ARHGAP26: variants seen among roughly 807,000 people sequenced by gnomAD.
ARHGAP26 encodes Rho GTPase activating protein 26.
Under a neutral mutation model 104.8 loss-of-function variants are expected in ARHGAP26, and 38 were observed. The ratio of observed to expected loss-of-function variants is 0.36; its 90% CI spans 0.28 to 0.48. ARHGAP26 has a LOEUF of 0.48. Ranked by LOEUF, ARHGAP26 falls within the 20% of genes least tolerant of loss-of-function variation. The pLI, the probability that ARHGAP26 is intolerant of heterozygous loss-of-function variation, is 0.99. For missense variants in ARHGAP26, 704 were observed against 947.9 expected, an observed-to-expected ratio of 0.74 and a Z score of 3.38; for synonymous variants, 341 against 340.0, an observed-to-expected ratio of 1.00 and a Z score of -0.03.
intron 10 of ARHGAP26, among the ~76,000 whole-genome samples, chr5:142,930,860 G>C (rs1764616989): frequency 6.6e-6 from 1 of 152,164 alleles, no homozygotes; most frequent in Non-Finnish European, 1.5e-5. Context: ...ATATTCATTG[G>C]AACTATAGCT....
rs531532335 is a variant in ARHGAP26 at position 143,146,996 on chromosome 5, G to A, written c.1838-235G>A. The stretch of plus-strand genomic sequence containing the variant: ...AAATCCTGGCTTATATTAAAGGGGA[G>A]ATATATCCTGTTATGACGAGGAAAG... On this transcript the variant is annotated intron_variant, in intron 19 of 22. Transcript: ENST00000645722. Among the ~76,000 whole-genome samples the A allele has an allele frequency of 8.5e-5, 13 of 152,252 alleles. No homozygotes were observed. The East Asian group carries it at 2.1e-3, about 25-fold the overall frequency.
intron 1 of ARHGAP26, among the ~76,000 whole-genome samples, chr5:142,785,531 C>T (rs892541842): frequency 4.7e-5 from 7 of 149,940 alleles, no homozygotes. Flanking sequence ...GGAACGAGAG[C>T]GTGTTATTTC....
intron 1 of ARHGAP26, among the ~76,000 whole-genome samples, chr5:142,780,011 C>T (rs1757177067): frequency 6.6e-6 from 1 of 152,232 alleles, no homozygotes; most frequent in African/African-American, 2.4e-5. Flanking sequence ...CCAATGCTTC[C>T]TGTCTCCTGA....
intron 17 of ARHGAP26, among the ~76,000 whole-genome samples, chr5:143,116,966 C>T (rs899376900): frequency 6.6e-6 from 1 of 152,176 alleles, no homozygotes; most frequent in African/African-American, 2.4e-5. Context: ...GGATCTCTCC[C>T]AAGTGAATAT....
chr5:142,808,381 G>A (rs529418992), intron 1 of ARHGAP26, among the ~76,000 whole-genome samples: 1 of 150,650 alleles, frequency 6.6e-6, no homozygotes, highest in East Asian at 1.9e-4. Flanking sequence ...CATCTAATTG[G>A]TGTCAAATTT....
At chr5:143,169,283 A>G (rs949782521) in intron 20 of ARHGAP26, among the ~76,000 whole-genome samples, 2 of 152,258 alleles carry the variant, frequency 1.3e-5, no homozygotes, top group African/African-American at 2.4e-5. Context: ...CAAGTAACAG[A>G]AAACCTAGCC....
intron 8 of ARHGAP26, among the ~76,000 whole-genome samples, chr5:142,907,089 T>C (rs192383394): frequency 6.6e-6 from 1 of 152,318 alleles, no homozygotes; most frequent in Non-Finnish European, 1.5e-5. Context: ...TTGAGGGACA[T>C]AGTCCTTAGA....
At chr5:142,954,736 A>G (rs938733431) in intron 11 of ARHGAP26, among the ~76,000 whole-genome samples, 1 of 152,170 alleles carries the variant, frequency 6.6e-6, no homozygotes, top group African/African-American at 2.4e-5. Context: ...GTCAACTCAG[A>G]TGTGTTTCAG....
chr5:142,858,119 G>T lies in ARHGAP26; in HGVS notation c.155-15281G>T, dbSNP rs552395838. On this transcript the variant is annotated intron_variant, in intron 1 of 22. Transcript: ENST00000645722. ...TGAGAGAGAGAGAGAGAGGGAGTGT[G>T]TGTGTGTGTGTGTTGCAGGCATGCT... Among the ~76,000 whole-genome samples, 5 of 151,738 alleles carry T rather than the reference G, an allele frequency of 3.3e-5. No individual in the cohort carries two copies. The South Asian group carries it at 1.0e-3, about 32-fold the overall frequency.
chr5:143,143,874 G>A (rs1392328663), intron 19 of ARHGAP26, among the ~76,000 whole-genome samples: 1 of 152,190 alleles, frequency 6.6e-6, no homozygotes, highest in African/African-American at 2.4e-5. Flanking sequence ...ACATATGTTT[G>A]TGAAAGCACT....
Position 142,917,116 on chromosome 5 carries a change from T to A in ARHGAP26, c.1028+3823T>A, listed in dbSNP as rs568789563. On this transcript the variant is annotated intron_variant, in intron 10 of 22. Transcript: ENST00000645722. Reference sequence around the variant, plus strand: ...GTGCAGTGGCACGATCTCAGCTCACTGCAGCCTCTGCCTCCTGGGTTCAAG... The same window carrying A: ...GTGCAGTGGCACGATCTCAGCTCACAGCAGCCTCTGCCTCCTGGGTTCAAG... 6.6e-5 allele frequency among the ~76,000 whole-genome samples: 10 copies of A among 151,776 alleles called. No homozygotes were observed. In the East Asian group the frequency reaches 1.9e-3, roughly 29 times the overall value.
intron 17 of ARHGAP26, among the ~76,000 whole-genome samples, chr5:143,086,786 G>T (rs1467860836): frequency 6.6e-6 from 1 of 152,144 alleles, no homozygotes; most frequent in Non-Finnish European, 1.5e-5. Context: ...TCTCGCTCAG[G>T]GGTCTTATTA....
At chr5:143,037,290 C>A in intron 13 of ARHGAP26, 29 bp downstream of exon 13, 1 of 1,557,438 alleles carries the variant, frequency 6.4e-7, no homozygotes, top group South Asian at 1.2e-5. Context: ...TGGCATTGTT[C>A]TCATAGAAGG....
At chr5:142,793,401 A>G (rs936644697) in intron 1 of ARHGAP26, among the ~76,000 whole-genome samples, 7 of 151,244 alleles carry the variant, frequency 4.6e-5, no homozygotes, top group African/African-American at 1.7e-4. Flanking sequence ...TAATCTGATC[A>G]CTTGGTGTTA....
At chr5:142,825,556 G>A (rs1018879035) in intron 1 of ARHGAP26, among the ~76,000 whole-genome samples, 1 of 152,184 alleles carries the variant, frequency 6.6e-6, no homozygotes, top group African/African-American at 2.4e-5. Context: ...GAGCAGCACA[G>A]GCTCCTTGAT....
At chr5:143,105,939 A>AT (rs558561120) in intron 17 of ARHGAP26, among the ~76,000 whole-genome samples, 8,804 of 147,728 alleles carry the variant, frequency 0.06, 839 homozygotes, top group African/African-American at 0.2. Flanking sequence ...AGTATGAGTG[A>AT]TTTTTTTTTT....
At chr5:142,875,001 A>ATCT in intron 2 of ARHGAP26, 109 bp from the exon 3 acceptor site, 1 of 869,156 alleles carries the variant, frequency 1.2e-6, no homozygotes, top group Non-Finnish European at 1.9e-6. Flanking sequence ...GACTTTAGGC[A>ATCT]TCTGTATGTG....
chr5:142,806,173 G>A (rs913537140), intron 1 of ARHGAP26, among the ~76,000 whole-genome samples: 5 of 152,222 alleles, frequency 3.3e-5, no homozygotes, highest in African/African-American at 1.2e-4. Flanking sequence ...GCTCACTGGA[G>A]CCTTGACCTT....
chr5:142,859,588 A>G (rs529922754), intron 1 of ARHGAP26: 1 of 152,334 alleles, frequency 6.6e-6, no homozygotes, highest in African/African-American at 2.4e-5. Context: ...GAATCACTAG[A>G]ATTATACAAT....
Sources: gnomAD v4.1 joint callset for allele counts (sites outside exome capture counted in the v4.1 genomes callset) on GRCh38, gnomAD v4.1.1 for gene constraint, MANE v1.5 for transcripts, NCBI Gene and HGNC (gene_info 2026-07-23, HGNC 2026-07-21) for gene names.